GTF2F1: variants seen among roughly 807,000 people sequenced by gnomAD.
GTF2F1 encodes general transcription factor IIF subunit 1, also known as general transcription factor IIF 74 kDa subunit.
In GTF2F1, 39 loss-of-function variants were observed where a neutral mutation model predicts 63.5. The ratio of observed to expected loss-of-function variants is 0.61; its 90% CI spans 0.48 to 0.80. The LOEUF is 0.80. Among genes scored for constraint, GTF2F1 ranks in the 30% least tolerant of loss-of-function variants. The pLI is 0.00. For missense variants in GTF2F1, 657 were observed against 718.3 expected, an observed-to-expected ratio of 0.91 and a Z score of 0.97; for synonymous variants, 287 against 285.3, an observed-to-expected ratio of 1.01 and a Z score of -0.06.
intron 3 of GTF2F1, chr19:6,390,542 GT>G (rs1356156714): frequency 1.1e-4 from 8 of 70,446 alleles, no homozygotes; most frequent in African/African-American, 8.6e-4. Context: ...GCAAGACTCA[GT>G]CCCCAAAAAA....
chr19:6,392,827 G>C, intron 2 of GTF2F1, 30 bp downstream of exon 2: 1 of 1,601,934 alleles, frequency 6.2e-7, no homozygotes, highest in South Asian at 1.1e-5. Context: ...GGGGGGTGGA[G>C]AGGAGTGGGA....
At position 6,383,181 on chromosome 19, in the gene GTF2F1, C is replaced by T. The variant is rs996968346; in HGVS notation, c.682+130G>A. ...CCTCTCAAAGTGCTGGGATGACAGG[C>T]GTGAGCCACTGTGCCCGGCCCCACT... On this transcript the variant is annotated intron_variant, in intron 6 of 12. Coordinates refer to ENST00000394456, the MANE Select transcript of GTF2F1 (RefSeq NM_002096.3). The surrounding 1 kb of genome is among the most constrained non-coding windows in gnomAD (Gnocchi z 4.5). The T allele has an allele frequency of 9.6e-6, 9 of 935,114 alleles. No homozygotes were observed. Among genetic ancestry groups the T allele is most frequent in the Non-Finnish European group, 1.5e-5 (9 of 609,196 alleles). 57.9% of individuals were successfully genotyped at this position (935,114 alleles called of 1,614,324 possible). A position where few individuals can be genotyped will look rare whatever the true frequency, so the allele number is the denominator to read the frequency against.
At position 6,380,253 on chromosome 19, in the gene GTF2F1, G is replaced by A. The variant is rs1378257166; in HGVS notation, c.*28C>T. ...GGGCAGTGAGAGCCTTAAGTTCTGGGGGGCAGAGCCATGTATTGGACCAAG... is the reference window on the plus strand; with the variant it reads ...GGGCAGTGAGAGCCTTAAGTTCTGGAGGGCAGAGCCATGTATTGGACCAAG... On this transcript the variant is annotated 3_prime_UTR_variant, in exon 13 of 13. Transcript: ENST00000394456. This position sits in a 1 kb window ranked among gnomAD's most constrained non-coding sequence, Gnocchi z 5.3. 1 of 1,583,076 alleles carries A rather than the reference G, an allele frequency of 6.3e-7. No homozygotes were observed. Among genetic ancestry groups the A allele is most frequent in the East Asian group, 2.2e-5 (1 of 44,700 alleles).
Position 6,383,356 on chromosome 19 carries a change from C to T in GTF2F1, c.637G>A (p.Asp213Asn), listed in dbSNP as rs368399121. The stretch of plus-strand genomic sequence containing the variant: ...CTGGCATCGGACGACATCTCCAGGT[C>T]GTCCTCCAGGTCGTGGATGCGCAGC... The part of the protein sequence containing the change: ...SELRIHDLED[D>N]LEMSSDASDA... Residue 213 changes from aspartate to asparagine, a missense_variant, in exon 6 of 13, where the codon GAC becomes AAC. By Grantham distance (23) the Asp-to-Asn change is conservative. Transcript: ENST00000394456. This position sits in a 1 kb window ranked among gnomAD's most constrained non-coding sequence, Gnocchi z 4.5. The T allele has an allele frequency of 1.4e-5, 22 of 1,614,208 alleles. No individual in the cohort carries two copies. Among genetic ancestry groups the T allele is most frequent in the African/African-American group, 1.1e-4 (8 of 75,086 alleles).
rs762909769 is a variant in GTF2F1, at chr19:6,381,164, C to G, written c.1050G>C (p.Glu350Asp). The G allele has an allele frequency of 3.1e-6, 5 of 1,611,606 alleles. No homozygotes were observed. The highest frequency in any genetic ancestry group is 1.7e-5 in the Admixed American group (1 of 59,660). ...DSSEESDSSE[E>D]SDIDSEASSA... ...AGGAGGCCTCGCTGTCAATGTCGCT[C>G]TCCTCTGAGCTGTCCGACTCCTCGC... is the stretch of plus-strand genomic sequence containing the variant. Residue 350 changes from glutamate (E) to aspartate (D), a missense_variant, in exon 10 of 13, where the codon GAG becomes GAC. Transcript: ENST00000394456. The surrounding 1 kb of genome is among the most constrained non-coding windows in gnomAD (Gnocchi z 4.1).
intron 2 of GTF2F1, chr19:6,392,250 C>A (rs1025972666): frequency 5.8e-6 from 3 of 518,646 alleles, no homozygotes; most frequent in Non-Finnish European, 1.1e-5. Flanking sequence ...ATACGGAAGA[C>A]TCCAAGGATT....
intron 6 of GTF2F1, among the ~76,000 whole-genome samples, chr19:6,382,755 A>G (rs1471480926): frequency 2.7e-5 from 4 of 146,318 alleles, no homozygotes; most frequent in Non-Finnish European, 6.0e-5. Context: ...CTGTGATTGT[A>G]CCACTACACT....
At position 6,381,855 on chromosome 19, in the gene GTF2F1, GAAGGGAGGA is replaced by G. The variant is rs1321395090; in HGVS notation, c.683-14_683-6del. 1 of 1,609,216 alleles carries G rather than the reference GAAGGGAGGA, an allele frequency of 6.2e-7. No homozygotes were observed. Among genetic ancestry groups the G allele is most frequent in the Non-Finnish European group, 8.5e-7 (1 of 1,178,032 alleles). ...TGGCCTTGGGGACTCTGCCCCCTGG[GAAGGGAGGA>G]AAGGAAGGAAAGGAGGGAAAGTGAG... On this transcript the variant is annotated splice_polypyrimidine_tract_variant and splice_region_variant and intron_variant, in intron 6 of 12. Transcript: ENST00000394456. This position sits in a 1 kb window ranked among gnomAD's most constrained non-coding sequence, Gnocchi z 4.1.
In GTF2F1 at chr19:6,387,632, C is replaced by T. The variant is rs757364526; in HGVS notation, c.327-73G>A. The T allele has an allele frequency of 4.3e-4, 509 of 1,171,774 alleles. 12 individuals are homozygous for T. Among genetic ancestry groups the T allele is most frequent in the Non-Finnish European group, 6.0e-4 (490 of 812,242 alleles). 72.6% of individuals were successfully genotyped at this position (1,171,774 alleles called of 1,614,324 possible). On this transcript the variant is annotated intron_variant, in intron 4 of 12. Coordinates refer to ENST00000394456, the MANE Select transcript of GTF2F1 (RefSeq NM_002096.3). ...CCCCCCCGTGTCCCCCCGGGGCCTGCCTCCTTTATGGCACTTGCCATAGGA... is the reference window on the plus strand; with the variant it reads ...CCCCCCCGTGTCCCCCCGGGGCCTGTCTCCTTTATGGCACTTGCCATAGGA...
At chr19:6,387,296 C>T in intron 5 of GTF2F1, 93 bp downstream of exon 5, 1 of 1,272,136 alleles carries the variant, frequency 7.9e-7, no homozygotes, top group South Asian at 1.3e-5. Context: ...ACCCCTGAGT[C>T]CCCAGCTCCC....
chr19:6,381,622 G>C lies in GTF2F1; in HGVS notation c.837-7C>G. On this transcript the variant is annotated splice_polypyrimidine_tract_variant and splice_region_variant and intron_variant, in intron 7 of 12. Transcript: ENST00000394456. This position sits in a 1 kb window ranked among gnomAD's most constrained non-coding sequence, Gnocchi z 4.1. ...AGGCTCTTCTTGGGAGCTACTGTAA[G>C]ACGGGGATGGCAAAGGATGAGCGCG... 1 of 1,614,000 alleles carries C rather than the reference G, an allele frequency of 6.2e-7. No individual in the cohort carries two copies. Among genetic ancestry groups the C allele is most frequent in the Non-Finnish European group, 8.5e-7 (1 of 1,180,042 alleles).
intron 2 of GTF2F1, 198 bp from the exon 3 acceptor site, chr19:6,392,172 T>C (rs1568332699): frequency 4.7e-6 from 3 of 638,036 alleles, no homozygotes; most frequent in African/African-American, 1.8e-5. Flanking sequence ...ATTGAATCAT[T>C]AATTCAATTC....
At position 6,383,646 on chromosome 19, in the gene GTF2F1, C is replaced by G. The variant is rs945089655; in HGVS notation, c.498-151G>C. On this transcript the variant is annotated intron_variant, in intron 5 of 12. Coordinates refer to ENST00000394456, the MANE Select transcript of GTF2F1 (RefSeq NM_002096.3). This position sits in a 1 kb window ranked among gnomAD's most constrained non-coding sequence, Gnocchi z 4.5. ...GCTGTGGCACAGGACTCCCTGAAAC[C>G]ACACGGATAGAGCCAGCCCTTCCTG... The G allele has an allele frequency of 9.3e-6, 7 of 750,804 alleles. No homozygotes were observed. 46.5% of individuals were successfully genotyped at this position (750,804 alleles called of 1,614,324 possible).
At chr19:6,387,283 G>A in intron 5 of GTF2F1, 106 bp downstream of exon 5, 1 of 1,112,510 alleles carries the variant, frequency 9.0e-7, no homozygotes, top group East Asian at 2.4e-5. Flanking sequence ...GTCTGCCCTG[G>A]TTACCCCTGA....
At chr19:6,387,319 G>A in intron 5 of GTF2F1, 70 bp downstream of exon 5, 1 of 1,438,750 alleles carries the variant, frequency 7.0e-7, no homozygotes, top group Admixed American at 1.7e-5. Flanking sequence ...CACAGGGCCT[G>A]GTGATATATC....
rs774038708 is a variant in GTF2F1, at chr19:6,380,937, TGGA to T, written c.1195_1197del (p.Ser399del). 11 of 1,579,964 alleles carry T rather than the reference TGGA, an allele frequency of 7.0e-6. No individual in the cohort carries two copies. The highest frequency in any genetic ancestry group is 8.6e-6 in the Non-Finnish European group (10 of 1,164,348). On this transcript the variant is annotated inframe_deletion, in exon 11 of 13. Transcript: ENST00000394456. The surrounding 1 kb of genome is among the most constrained non-coding windows in gnomAD (Gnocchi z 5.3). ...AGTTTGCTGGCAGCCGCCCGCAGGG[TGGA>T]GGAGGTGCTGCCACCCTCTGCGCTG...
In GTF2F1 at chr19:6,381,779, C is replaced by G. The variant is rs774525534; in HGVS notation, c.754G>C (p.Gly252Arg). The G allele has an allele frequency of 3.7e-6, 6 of 1,613,708 alleles. No individual in the cohort carries two copies. The highest frequency in any genetic ancestry group is 3.3e-5 in the South Asian group (3 of 91,068). Residue 252 changes from glycine to arginine, a missense_variant, in exon 7 of 13, where the codon GGT becomes CGT. Around this residue, in one of 2 missense-constraint regions of GTF2F1, gnomAD observed 602 missense variants for 625.6 expected, o/e 0.96. Transcript: ENST00000394456. This position sits in a 1 kb window ranked among gnomAD's most constrained non-coding sequence, Gnocchi z 4.1. ...TCCTCGAAGGCCTCGTCGTCTGAACCCTTCTTCTTCTTCTTTTTCCTGCCG... is the reference window on the plus strand; with the variant it reads ...TCCTCGAAGGCCTCGTCGTCTGAACGCTTCTTCTTCTTCTTTTTCCTGCCG... ...KGGRKKKKKK[G>R]SDDEAFEDSD...
intron 6 of GTF2F1, among the ~76,000 whole-genome samples, chr19:6,382,799 CAAAAAAAAAAA>C: frequency 1.2e-5 from 1 of 81,592 alleles, no homozygotes; most frequent in Non-Finnish European, 2.6e-5. Context: ...GATCCTGTCT[CAAAAAAAAAAA>C]AAAAAAAAAG....
In GTF2F1 at chr19:6,392,791, A is replaced by T. The variant is rs987832596; in HGVS notation, c.59+66T>A. On this transcript the variant is annotated intron_variant, in intron 2 of 12. Transcript: ENST00000394456. The stretch of plus-strand genomic sequence containing the variant: ...AGACAGGGCCAGAAATGGCTGGCTA[A>T]GAAGATCGTGAAGGTTTTCATTTTT... 5 of 1,492,834 alleles carry T rather than the reference A, an allele frequency of 3.3e-6. No individual in the cohort carries two copies. The East Asian group carries it at 1.1e-4, about 34-fold the overall frequency. The allele number at this position is 1,492,834 out of a possible 1,614,324, so 92.5% of individuals were successfully genotyped here.
Sources: allele counts gnomAD v4.1 joint callset (sites outside exome capture counted in the v4.1 genomes callset), GRCh38; gene constraint gnomAD v4.1.1; regional missense constraint gnomAD v4.1.1; non-coding constraint Gnocchi (gnomAD v3.1); transcripts MANE v1.5; gene names NCBI Gene and HGNC (gene_info 2026-07-23, HGNC 2026-07-21).